The following ZNF248 variants were observed in gnomAD, a reference collection of about 807,000 sequenced individuals.
ZNF248 encodes the protein KRAB protein domain.
Under a neutral mutation model 44.3 loss-of-function variants are expected in ZNF248, and 20 were observed. The ratio of observed to expected loss-of-function variants is 0.45; its 90% CI spans 0.32 to 0.66. The LOEUF is 0.66. Among genes scored for constraint, ZNF248 ranks in the 30% least tolerant of loss-of-function variants. The probability of loss-of-function intolerance (pLI) is 0.04; values close to 1 mark genes in which losing one functional copy is unlikely to be tolerated. For synonymous variants in ZNF248, 224 were observed against 229.0 expected, an observed-to-expected ratio of 0.98 and a Z score of 0.20; for missense variants, 654 against 677.0, an observed-to-expected ratio of 0.97 and a Z score of 0.38.
the ZNF248 span, among the ~76,000 whole-genome samples, chr10:37,769,409 A>T: frequency 6.6e-6 from 1 of 152,164 alleles, no homozygotes; most frequent in African/African-American, 2.4e-5. Context: ...CAGCACATCA[A>T]AAAGCTTATC....
At chr10:37,803,893 C>T (rs551835622) in intron 6 of ZNF248, 6 of 152,848 alleles carry the variant, frequency 3.9e-5, no homozygotes, top group South Asian at 4.1e-4. Flanking sequence ...CATCAAGAAT[C>T]CTGGAAACAC....
At chr10:37,849,634 C>T (rs781740356) in intron 3 of ZNF248, among the ~76,000 whole-genome samples, 1 of 151,476 alleles carries the variant, frequency 6.6e-6, no homozygotes, top group Non-Finnish European at 1.5e-5. Context: ...TTGCAATGAA[C>T]GGAGAGCACA....
chr10:37,763,724 G>C, the ZNF248 span, among the ~76,000 whole-genome samples: 3 of 152,272 alleles, frequency 2.0e-5, no homozygotes, highest in South Asian at 6.2e-4. Flanking sequence ...CTGAACAGAG[G>C]GACCGGCTGA....
At chr10:37,810,951 G>A (rs563065322) in intron 6 of ZNF248, among the ~76,000 whole-genome samples, 1 of 152,278 alleles carries the variant, frequency 6.6e-6, no homozygotes, top group East Asian at 1.9e-4. Flanking sequence ...TCATCTTTGT[G>A]TGAGCAGTTC....
At chr10:37,784,293 A>T (rs934993625) in intron 6 of ZNF248, among the ~76,000 whole-genome samples, 1 of 152,250 alleles carries the variant, frequency 6.6e-6, no homozygotes, top group Admixed American at 6.5e-5. Context: ...AGTCCATCTT[A>T]AAGTCCAGAG....
rs2055104417 is a variant in ZNF248, at chr10:37,829,698, T to A, written c.*1917A>T. On this transcript the variant is annotated 3_prime_UTR_variant, in exon 6 of 6. Transcript: ENST00000395867. ...TCTTCAGGCTACTGCCCTTCAGAGA[T>A]AAAAACGATAAGCCAATACCATGTT... 1.0e-6 allele frequency: 1 copy of A among 985,246 alleles called. No individual in the cohort carries two copies. The highest frequency in any genetic ancestry group is 6.2e-5 in the Admixed American group (1 of 16,258). The allele number at this position is 985,246 out of a possible 1,614,324, so 61.0% of individuals were successfully genotyped here. A position where few individuals can be genotyped will look rare whatever the true frequency, so the allele number is the denominator to read the frequency against.
intron 6 of ZNF248, among the ~76,000 whole-genome samples, chr10:37,797,382 A>C (rs1305597781): frequency 6.6e-6 from 1 of 152,144 alleles, no homozygotes; most frequent in African/African-American, 2.4e-5. Flanking sequence ...TCTTAGATTA[A>C]TTTTAGATTA....
the ZNF248 span, among the ~76,000 whole-genome samples, chr10:37,767,055 A>T: frequency 1.3e-5 from 2 of 152,160 alleles, no homozygotes; most frequent in African/African-American, 4.8e-5. Flanking sequence ...GAAATGAAGC[A>T]AGAAGGGAAG....
chr10:37,811,400 A>C (rs2051464370), intron 6 of ZNF248, among the ~76,000 whole-genome samples: 1 of 152,206 alleles, frequency 6.6e-6, no homozygotes, highest in Non-Finnish European at 1.5e-5. Context: ...TCTGAGAAAT[A>C]GTGAAGTTAT....
At chr10:37,782,592 A>G in intron 6 of ZNF248, among the ~76,000 whole-genome samples, 1 of 152,172 alleles carries the variant, frequency 6.6e-6, no homozygotes, top group East Asian at 1.9e-4. Context: ...TAATCAAGTT[A>G]AAATGAGGTC....
intron 6 of ZNF248, among the ~76,000 whole-genome samples, chr10:37,782,314 A>T (rs1404399497): frequency 6.6e-6 from 1 of 152,174 alleles, no homozygotes; most frequent in Non-Finnish European, 1.5e-5. Context: ...ATGATTTACA[A>T]GATTGGATTT....
rs538220572 is a variant in ZNF248, at chr10:37,840,064, CCATA to C, written c.16-1957_16-1954del. Among the ~76,000 whole-genome samples the C allele has an allele frequency of 1.2e-4, 18 of 152,172 alleles. No individual in the cohort carries two copies. The South Asian group carries it at 3.5e-3, about 30-fold the overall frequency. On this transcript the variant is annotated intron_variant, in intron 3 of 5. Transcript: ENST00000395867. ...CTCCAAATACCTGAAAGCTAAACAACCATACAAATAACCTATAGATCAAAGAGGA... is the reference window on the plus strand; with the variant it reads ...CTCCAAATACCTGAAAGCTAAACAACCAAATAACCTATAGATCAAAGAGGA...
chr10:37,782,580 T>G (rs1022470774), intron 6 of ZNF248, among the ~76,000 whole-genome samples: 3 of 152,122 alleles, frequency 2.0e-5, no homozygotes, highest in Non-Finnish European at 2.9e-5. Flanking sequence ...TATTTTCAGA[T>G]GTAATCAAGT....
At chr10:37,833,254 G>A in intron 5 of ZNF248, 138 bp from the exon 6 acceptor site, 1 of 1,272,102 alleles carries the variant, frequency 7.9e-7, no homozygotes, top group Non-Finnish European at 1.0e-6. Flanking sequence ...GAGTTCAAGT[G>A]TACATTTTCT....
the ZNF248 span, among the ~76,000 whole-genome samples, chr10:37,765,602 A>G: frequency 6.6e-6 from 1 of 152,244 alleles, no homozygotes; most frequent in Non-Finnish European, 1.5e-5. Flanking sequence ...CTAGCTCTTA[A>G]GTCCACAAAT....
chr10:37,830,078 C>G lies in ZNF248; in HGVS notation c.*1537G>C, dbSNP rs139750084. ...AGAGATACTCTAAAATACTAATACG[C>G]AGAACTAGTGTTACATAGACCGTGC... is the stretch of plus-strand genomic sequence containing the variant. On this transcript the variant is annotated 3_prime_UTR_variant, in exon 6 of 6. Coordinates refer to ENST00000395867, the MANE Select transcript of ZNF248 (RefSeq NM_021045.3). 3 of 985,186 alleles carry G rather than the reference C, an allele frequency of 3.0e-6. No individual in the cohort carries two copies. Among genetic ancestry groups the G allele is most frequent in the Admixed American group, 1.2e-4 (2 of 16,240 alleles). 61.0% of individuals were successfully genotyped at this position (985,186 alleles called of 1,614,324 possible). A position where few individuals can be genotyped will look rare whatever the true frequency, so the allele number is the denominator to read the frequency against.
In ZNF248 at chr10:37,832,843, C is replaced by T. The variant is rs753596623; in HGVS notation, c.512G>A (p.Cys171Tyr). 3 of 1,613,860 alleles carry T rather than the reference C, an allele frequency of 1.9e-6. No individual in the cohort carries two copies. Among genetic ancestry groups the T allele is most frequent in the South Asian group, 2.2e-5 (2 of 91,074 alleles). Residue 171 changes from cysteine to tyrosine, a missense_variant, in exon 6 of 6, where the codon TGT (cysteine) becomes TAT (tyrosine). By Grantham distance (194) the Cys-to-Tyr change is radical. Transcript: ENST00000395867. Reference protein sequence around the residue: ...SRKKPDEFNVCEKLLLDIRHE... With the variant: ...SRKKPDEFNVYEKLLLDIRHE... ...CCTAATATCAAGGAGCAATTTCTCA[C>T]ATACATTAAACTCATCAGGCTTCTT...
chr10:37,761,818 C>T, the ZNF248 span, among the ~76,000 whole-genome samples: 2 of 152,144 alleles, frequency 1.3e-5, no homozygotes, highest in South Asian at 2.1e-4. Context: ...CAGAAAATCC[C>T]AACTAAACCA....
chr10:37,808,653 G>T (rs79531615), intron 6 of ZNF248, among the ~76,000 whole-genome samples: 1 of 152,080 alleles, frequency 6.6e-6, no homozygotes, highest in African/African-American at 2.4e-5. Flanking sequence ...GTTGCATTAG[G>T]GTTCATAAGG....
Sources: gnomAD v4.1 joint callset for allele counts (sites outside exome capture counted in the v4.1 genomes callset) on GRCh38, gnomAD v4.1.1 for gene constraint, MANE v1.5 for transcripts, NCBI Gene and HGNC (gene_info 2026-07-23, HGNC 2026-07-21) for gene names.